Variants in MPDZ observed in about 807,000 individuals in gnomAD.
The protein encoded by MPDZ is multiple PDZ domain protein.
Under a neutral mutation model 239.1 loss-of-function variants are expected in MPDZ, and 234 were observed. The observed-to-expected ratio is 0.98, with a 90% CI of 0.88 to 1.09. The LOEUF is 1.09. Ranked by LOEUF, MPDZ falls within the 50% of genes least tolerant of loss-of-function variation. The pLI, the probability that MPDZ is intolerant of heterozygous loss-of-function variation, is 0.00. For synonymous variants in MPDZ, 1,048 were observed against 881.3 expected (o/e 1.19, Z -3.35); for missense variants, 3,175 against 2,510.0 (o/e 1.26, Z -5.66).
At chr9:13,221,753 T>C (rs1587908670) in intron 6 of MPDZ, among the ~76,000 whole-genome samples, 1 of 151,894 alleles carries the variant, frequency 6.6e-6, no homozygotes, top group East Asian at 1.9e-4. Context: ...AAGACAGGCA[T>C]TGATTTGCAA....
At chr9:13,255,740 C>T (rs967688722) in intron 1 of MPDZ, among the ~76,000 whole-genome samples, 1 of 152,172 alleles carries the variant, frequency 6.6e-6, no homozygotes, top group Non-Finnish European at 1.5e-5. Flanking sequence ...ATGCTATAAA[C>T]CGATGTGCTG....
chr9:13,239,580 G>C (rs1964880391), intron 3 of MPDZ, among the ~76,000 whole-genome samples: 2 of 152,104 alleles, frequency 1.3e-5, no homozygotes, highest in Admixed American at 6.5e-5. Context: ...CAGTTATTTG[G>C]TTAATTTACT....
intron 10 of MPDZ, among the ~76,000 whole-genome samples, chr9:13,207,491 G>A (rs1410591803): frequency 6.6e-6 from 1 of 152,096 alleles, no homozygotes; most frequent in African/African-American, 2.4e-5. Context: ...CGCAAGTCCT[G>A]TTACCTCAGC....
At chr9:13,144,457 T>C (rs1948169904) in intron 26 of MPDZ, among the ~76,000 whole-genome samples, 1 of 152,074 alleles carries the variant, frequency 6.6e-6, no homozygotes, top group African/African-American at 2.4e-5. Context: ...TTCTTCTCCT[T>C]CTTTTCACAC....
At chr9:13,173,034 C>T (rs892005474) in intron 21 of MPDZ, among the ~76,000 whole-genome samples, 5 of 152,172 alleles carry the variant, frequency 3.3e-5, no homozygotes, top group Admixed American at 6.5e-5. Context: ...TGGACAAATA[C>T]TGTATGATTT....
intron 10 of MPDZ, among the ~76,000 whole-genome samples, chr9:13,215,561 C>G (rs528851916): frequency 1.3e-4 from 19 of 151,408 alleles, no homozygotes; most frequent in African/African-American, 4.6e-4. Context: ...ATCCTACTTT[C>G]TCACTATTAT....
Position 13,222,330 on chromosome 9 carries a change from T to G in MPDZ, c.650A>C (p.Gln217Pro). ...SILQKAKDTV[Q>P]LVIARGSLPQ... is the part of the protein sequence containing the mutation. ...CAATGAGCCTCTGGCAATAACTAGC[T>G]GGACAGTATCTTTGGCTTTCTGCAG... The change falls in exon 6 of 47, where the codon CAG becomes CCG. Residue 217 changes from glutamine to proline, a missense_variant. Coordinates refer to ENST00000319217, the MANE Select transcript of MPDZ (RefSeq NM_001378778.1). 4 of 1,613,088 alleles carry G rather than the reference T, an allele frequency of 2.5e-6. No individual in the cohort carries two copies. The highest frequency in any genetic ancestry group is 3.4e-6 in the Non-Finnish European group (4 of 1,179,362).
At chr9:13,158,972 C>T (rs1291977435) in intron 23 of MPDZ, among the ~76,000 whole-genome samples, 1 of 152,124 alleles carries the variant, frequency 6.6e-6, no homozygotes, top group Non-Finnish European at 1.5e-5. Flanking sequence ...TCCACATATT[C>T]CTCTTAAAGC....
At chr9:13,185,617 A>C (rs142431701) in intron 18 of MPDZ, among the ~76,000 whole-genome samples, 135 of 152,226 alleles carry the variant, frequency 8.9e-4, no homozygotes, top group African/African-American at 2.9e-3. Flanking sequence ...CCTGGTATTT[A>C]GTTTTATCCT....
At chr9:13,126,371 GA>G in intron 34 of MPDZ, 144 bp downstream of exon 34, 1 of 505,984 alleles carries the variant, frequency 2.0e-6, no homozygotes, top group Non-Finnish European at 3.3e-6. Context: ...AGAAATTGAA[GA>G]ACTTCTGAAC....
At chr9:13,233,853 T>G (rs536091053) in intron 3 of MPDZ, among the ~76,000 whole-genome samples, 1 of 152,268 alleles carries the variant, frequency 6.6e-6, no homozygotes, top group South Asian at 2.1e-4. Context: ...GCACAGGAAC[T>G]AAATAACTGA....
intron 1 of MPDZ, among the ~76,000 whole-genome samples, chr9:13,254,715 T>G (rs1484354228): frequency 1.3e-5 from 2 of 152,216 alleles, no homozygotes; most frequent in African/African-American, 4.8e-5. Flanking sequence ...TACACTACAC[T>G]GTAGTCTATT....
chr9:13,268,221 T>C (rs917442621), intron 1 of MPDZ, among the ~76,000 whole-genome samples: 5 of 151,434 alleles, frequency 3.3e-5, no homozygotes, highest in African/African-American at 1.2e-4. Flanking sequence ...TTATAATACA[T>C]CCCAAAAAAC....
At chr9:13,223,318 T>C (rs1473201370) in intron 5 of MPDZ, among the ~76,000 whole-genome samples, 1 of 152,016 alleles carries the variant, frequency 6.6e-6, no homozygotes, top group East Asian at 1.9e-4. Context: ...TAATTAACAA[T>C]GAAAATAATG....
chr9:13,268,092 A>C (rs1972154853), intron 1 of MPDZ, among the ~76,000 whole-genome samples: 1 of 152,062 alleles, frequency 6.6e-6, no homozygotes, highest in Admixed American at 6.6e-5. Flanking sequence ...CAACAGTATT[A>C]GCATCAGAAT....
chr9:13,217,421 G>C, intron 8 of MPDZ, 127 bp from the exon 9 acceptor site: 11 of 624,726 alleles, frequency 1.8e-5, no homozygotes, highest in South Asian at 1.5e-4. Context: ...CTCTAGCAAA[G>C]AATTATAGCA....
chr9:13,108,368 TAC>T (rs1941840084), intron 46 of MPDZ, among the ~76,000 whole-genome samples: 2 of 152,270 alleles, frequency 1.3e-5, no homozygotes, highest in East Asian at 1.9e-4. Context: ...ATTATAACTA[TAC>T]AGTCTTTTTA....
At chr9:13,119,435 AG>A in intron 39 of MPDZ, 66 bp downstream of exon 39, 1 of 1,524,534 alleles carries the variant, frequency 6.6e-7, no homozygotes, top group Non-Finnish European at 8.9e-7. Flanking sequence ...TGACTATGAT[AG>A]CCCAATGTTA....
chr9:13,126,374 C>T, intron 34 of MPDZ, 142 bp downstream of exon 34: 1 of 528,418 alleles, frequency 1.9e-6, no homozygotes, highest in Non-Finnish European at 3.2e-6. Context: ...AATTGAAGAA[C>T]TTCTGAACAA....
Sources: allele counts gnomAD v4.1 joint callset (sites outside exome capture counted in the v4.1 genomes callset), GRCh38; gene constraint gnomAD v4.1.1; transcripts MANE v1.5; gene names NCBI Gene and HGNC (gene_info 2026-07-23, HGNC 2026-07-21).